The following PARD6G variants were observed in gnomAD, a reference collection of about 807,000 sequenced individuals.
PARD6G encodes par-6 family cell polarity regulator gamma.
A neutral mutation model predicts 10.7 loss-of-function variants in PARD6G; 7 were observed. That is an observed-to-expected ratio of 0.66 (90% CI 0.37 to 1.23). PARD6G has a LOEUF of 1.23. PARD6G is among the 50% of genes most tolerant of loss of function. PARD6G has a pLI of 0.02. For synonymous variants in PARD6G, 287 were observed against 269.4 expected, an observed-to-expected ratio of 1.07 and a Z score of -0.64; for missense variants, 548 against 571.8, an observed-to-expected ratio of 0.96 and a Z score of 0.42.
At position 80,188,831 on chromosome 18, in the gene PARD6G, G is replaced by A. The variant is rs982894496; in HGVS notation, c.295+13879C>T. ...AGACAAGCCCACGAGATGGGCTTGC[G>A]GGGAAGTCAGGCGGGTGCAATCCCT... On this transcript the variant is annotated intron_variant, in intron 2 of 2. Coordinates refer to ENST00000353265, the MANE Select transcript of PARD6G (RefSeq NM_032510.4). The surrounding 1 kb of genome is among the most constrained non-coding windows in gnomAD (Gnocchi z 5.4). Among the ~76,000 whole-genome samples the A allele has an allele frequency of 3.9e-5, 6 of 152,332 alleles. No individual in the cohort carries two copies. The highest frequency in any genetic ancestry group is 7.2e-5 in the African/African-American group (3 of 41,580).
At chr18:80,215,291 T>C (rs1269094308) in intron 1 of PARD6G, among the ~76,000 whole-genome samples, 1 of 152,182 alleles carries the variant, frequency 6.6e-6, no homozygotes, top group Admixed American at 6.5e-5. Context: ...ACATTACACA[T>C]AACTTGAATC....
intron 2 of PARD6G, among the ~76,000 whole-genome samples, chr18:80,185,412 C>T (rs1334148114): frequency 6.6e-6 from 1 of 152,054 alleles, no homozygotes; most frequent in Non-Finnish European, 1.5e-5. Context: ...GTAGCTGGGA[C>T]TACAGGCATG....
rs1445023708 is a variant in PARD6G at position 80,201,043 on chromosome 18, G to A, written c.295+1667C>T. ...CTCACCCCACACCATGTGAGCAAAT[G>A]CTGTGACCTGGGATGGCAGGGGCAC... is the stretch of plus-strand genomic sequence containing the variant. On this transcript the variant is annotated intron_variant, in intron 2 of 2. Transcript: ENST00000353265. The surrounding 1 kb of genome is among the most constrained non-coding windows in gnomAD (Gnocchi z 5.9). Among the ~76,000 whole-genome samples, 1 of 152,188 alleles carries A rather than the reference G, an allele frequency of 6.6e-6. No individual in the cohort carries two copies. The highest frequency in any genetic ancestry group is 1.5e-5 in the Non-Finnish European group (1 of 68,042).
intron 1 of PARD6G, among the ~76,000 whole-genome samples, chr18:80,206,574 C>G (rs999233322): frequency 1.3e-5 from 2 of 152,168 alleles, no homozygotes; most frequent in Non-Finnish European, 2.9e-5. Context: ...AGCTAATTAT[C>G]AAAATAATTT....
At chr18:80,194,209 T>C (rs1966928202) in intron 2 of PARD6G, among the ~76,000 whole-genome samples, 1 of 152,214 alleles carries the variant, frequency 6.6e-6, no homozygotes, top group Non-Finnish European at 1.5e-5. Flanking sequence ...ACGGCCTTAA[T>C]GTGACAGCGC....
intron 1 of PARD6G, among the ~76,000 whole-genome samples, chr18:80,232,229 G>C (rs1357092436): frequency 1.3e-5 from 2 of 151,932 alleles, no homozygotes; most frequent in Non-Finnish European, 2.9e-5. Flanking sequence ...TCCACACCAG[G>C]GACTGGGTGG....
Position 80,225,302 on chromosome 18 carries a change from C to G in PARD6G, c.72+21975G>C, listed in dbSNP as rs151195068. 5.5e-4 allele frequency among the ~76,000 whole-genome samples: 84 copies of G among 152,300 alleles called. 2 individuals are homozygous for G. In the East Asian group the frequency reaches 0.016, roughly 29 times the overall value. On this transcript the variant is annotated intron_variant, in intron 1 of 2. Transcript: ENST00000353265. ...TAGGGAGGACCCTTAGGGCCTGGACCCACGTGCTGTTCTTCAACAAACCAA... is the reference window on the plus strand; with the variant it reads ...TAGGGAGGACCCTTAGGGCCTGGACGCACGTGCTGTTCTTCAACAAACCAA...
intron 1 of PARD6G, among the ~76,000 whole-genome samples, chr18:80,217,098 C>A (rs1283975745): frequency 6.6e-6 from 1 of 151,212 alleles, no homozygotes; most frequent in Non-Finnish European, 1.5e-5. Flanking sequence ...AAAGAAGTGC[C>A]CCAAAACAAA....
chr18:80,216,634 A>G lies in PARD6G; in HGVS notation c.73-13702T>C, dbSNP rs189352148. Reference sequence around the variant, plus strand: ...CAGCTAAGGCAGTGTTGAAAAGGAAATGTACAGCTGTAAACACCTATATTT... The same window carrying G: ...CAGCTAAGGCAGTGTTGAAAAGGAAGTGTACAGCTGTAAACACCTATATTT... On this transcript the variant is annotated intron_variant, in intron 1 of 2. Coordinates refer to ENST00000353265, the MANE Select transcript of PARD6G (RefSeq NM_032510.4). Among the ~76,000 whole-genome samples, 253 of 152,250 alleles carry G rather than the reference A, an allele frequency of 1.7e-3. 2 individuals carry two copies. The highest frequency in any genetic ancestry group is 5.7e-3 in the African/African-American group (238 of 41,560).
chr18:80,243,334 G>A (rs1209432990), intron 1 of PARD6G, among the ~76,000 whole-genome samples: 2 of 152,056 alleles, frequency 1.3e-5, no homozygotes, highest in South Asian at 2.1e-4. Flanking sequence ...AGGGGAAGCC[G>A]GCTACACCAT....
rs1440210532 is a variant in PARD6G at position 80,163,726 on chromosome 18, C to T, written c.296-3120G>A. On this transcript the variant is annotated intron_variant, in intron 2 of 2. Coordinates refer to ENST00000353265, the MANE Select transcript of PARD6G (RefSeq NM_032510.4). ...GGGCACAGCGGGCCGGGCCCCTCCT[C>T]GTAAGGGGCTTATAAATCACTTAGG... Among the ~76,000 whole-genome samples, 9 of 152,314 alleles carry T rather than the reference C, an allele frequency of 5.9e-5. No homozygotes were observed. The East Asian group carries it at 9.7e-4, about 16-fold the overall frequency.
Position 80,201,115 on chromosome 18 carries a change from G to A in PARD6G, c.295+1595C>T, listed in dbSNP as rs531445754. 6.6e-6 allele frequency among the ~76,000 whole-genome samples: 1 copy of A among 152,254 alleles called. No individual in the cohort carries two copies. The highest frequency in any genetic ancestry group is 2.1e-4 in the South Asian group (1 of 4,814). On this transcript the variant is annotated intron_variant, in intron 2 of 2. Coordinates refer to ENST00000353265, the MANE Select transcript of PARD6G (RefSeq NM_032510.4). The surrounding 1 kb of genome is among the most constrained non-coding windows in gnomAD (Gnocchi z 5.9). Reference sequence around the variant, plus strand: ...CTACGCTCCTGGTCGGGTGGAGACAGACGGCAAACCAGCTCTGGGAGCAAT... The same window carrying A: ...CTACGCTCCTGGTCGGGTGGAGACAAACGGCAAACCAGCTCTGGGAGCAAT...
chr18:80,241,244 G>A (rs1034744259), intron 1 of PARD6G, among the ~76,000 whole-genome samples: 1 of 152,132 alleles, frequency 6.6e-6, no homozygotes, highest in Non-Finnish European at 1.5e-5. Context: ...AGGGGTGTGA[G>A]CCCTCTTCCA....
At chr18:80,220,977 C>T (rs1406236155) in intron 1 of PARD6G, among the ~76,000 whole-genome samples, 1 of 152,076 alleles carries the variant, frequency 6.6e-6, no homozygotes, top group Non-Finnish European at 1.5e-5. Context: ...ATGAAATGGA[C>T]TGATTCCTAG....
chr18:80,199,069 C>T (rs751738896), intron 2 of PARD6G, among the ~76,000 whole-genome samples: 9 of 152,324 alleles, frequency 5.9e-5, no homozygotes, highest in South Asian at 2.1e-4. Context: ...TTTGCCCATT[C>T]TGGACTTTTC....
rs149805823 is a variant in PARD6G, at chr18:80,182,918, G to A, written c.295+19792C>T. The A allele has an allele frequency of 6.1e-4, 360 of 586,950 alleles. 1 individual carries two copies. The highest frequency in any genetic ancestry group is 6.0e-3 in the African/African-American group (320 of 53,666). 36.4% of individuals were successfully genotyped at this position (586,950 alleles called of 1,614,324 possible). On this transcript the variant is annotated intron_variant, in intron 2 of 2. Coordinates refer to ENST00000353265, the MANE Select transcript of PARD6G (RefSeq NM_032510.4). This position sits in a 1 kb window ranked among gnomAD's most constrained non-coding sequence, Gnocchi z 4.5. ...GGGCTAGATGTTTGGCTGAAGCTGC[G>A]TGTGCCACAACACTGCAGGCCCCAC...
intron 1 of PARD6G, among the ~76,000 whole-genome samples, chr18:80,205,687 C>T (rs1210089289): frequency 1.3e-5 from 2 of 152,200 alleles, no homozygotes; most frequent in African/African-American, 4.8e-5. Flanking sequence ...CTCCCTGAGG[C>T]CGTCCCAGGA....
intron 1 of PARD6G, among the ~76,000 whole-genome samples, chr18:80,238,501 AAC>A (rs1568445058): frequency 1.3e-5 from 2 of 151,964 alleles, no homozygotes. Context: ...CAAAAAAAAA[AAC>A]AACTATTTTT....
At chr18:80,207,974 A>T (rs889185524) in intron 1 of PARD6G, among the ~76,000 whole-genome samples, 4 of 152,230 alleles carry the variant, frequency 2.6e-5, no homozygotes, top group African/African-American at 9.6e-5. Context: ...GAGTCAGAAA[A>T]GTGGCAAAAA....
Sources: allele counts gnomAD v4.1 joint callset (sites outside exome capture counted in the v4.1 genomes callset), GRCh38; gene constraint gnomAD v4.1.1; non-coding constraint Gnocchi (gnomAD v3.1); transcripts MANE v1.5; gene names NCBI Gene and HGNC (gene_info 2026-07-23, HGNC 2026-07-21).